PPP2R2A: variants seen among roughly 807,000 people sequenced by gnomAD.
PPP2R2A encodes the protein protein phosphatase 2 regulatory subunit Balpha.
Under a neutral mutation model 53.2 loss-of-function variants are expected in PPP2R2A, and 9 were observed. The observed-to-expected ratio is 0.17, with a 90% confidence interval of 0.10 to 0.30. The LOEUF (loss-of-function observed/expected upper bound fraction) is 0.30. PPP2R2A is among the 10% of genes least tolerant of loss of function. The probability of loss-of-function intolerance (pLI) is 1.00; values close to 1 mark genes in which losing one functional copy is unlikely to be tolerated. For missense variants in PPP2R2A, 235 were observed against 534.6 expected, an observed-to-expected ratio of 0.44 and a Z score of 5.53; for synonymous variants, 169 against 174.2, an observed-to-expected ratio of 0.97 and a Z score of 0.23.
intron 3 of PPP2R2A, among the ~76,000 whole-genome samples, chr8:26,344,455 G>T (rs1297515300): frequency 6.6e-6 from 1 of 152,276 alleles, no homozygotes; most frequent in South Asian, 2.1e-4. Flanking sequence ...AGGAAAATCA[G>T]TCTCATTACT....
intron 3 of PPP2R2A, among the ~76,000 whole-genome samples, chr8:26,342,746 T>TA (rs1471663891): frequency 6.6e-6 from 1 of 152,232 alleles, no homozygotes; most frequent in East Asian, 1.9e-4. Flanking sequence ...TGGCTTTTTT[T>TA]ATTCTTAATG....
At position 26,362,470 on chromosome 8, in the gene PPP2R2A, A is replaced by C. The variant is rs900439896; in HGVS notation, c.638-214A>C. Among the ~76,000 whole-genome samples, 7 of 152,082 alleles carry C rather than the reference A, an allele frequency of 4.6e-5. No individual in the cohort carries two copies. The highest frequency in any genetic ancestry group is 4.6e-4 in the Admixed American group (7 of 15,250). ...CAGTGAGCCGAGATTGCGCCACTGC[A>C]CTCCAGCCTGGGTGACAGAGTGAAA... On this transcript the variant is annotated intron_variant, in intron 6 of 9. Transcript: ENST00000380737. The surrounding 1 kb of genome is among the most constrained non-coding windows in gnomAD (Gnocchi z 4.4).
At chr8:26,296,292 T>A (rs943377181) in intron 2 of PPP2R2A, among the ~76,000 whole-genome samples, 2 of 152,248 alleles carry the variant, frequency 1.3e-5, no homozygotes, top group African/African-American at 4.8e-5. Flanking sequence ...CATCTCAGTC[T>A]AGAATGTATG....
chr8:26,352,014 C>T (rs1804544615), intron 3 of PPP2R2A, among the ~76,000 whole-genome samples: 2 of 152,120 alleles, frequency 1.3e-5, no homozygotes, highest in South Asian at 4.1e-4. Context: ...GAATAAAGCA[C>T]ATCTAAACTT....
intron 2 of PPP2R2A, among the ~76,000 whole-genome samples, chr8:26,334,703 C>T (rs575263441): frequency 8.5e-5 from 13 of 152,110 alleles, no homozygotes; most frequent in Admixed American, 3.3e-4. Context: ...CGAGATCGCG[C>T]CACTGCACTC....
At chr8:26,344,519 G>C (rs1804110017) in intron 3 of PPP2R2A, among the ~76,000 whole-genome samples, 1 of 152,178 alleles carries the variant, frequency 6.6e-6, no homozygotes, top group South Asian at 2.1e-4. Flanking sequence ...ATGAGCTATT[G>C]AGTGATCTGT....
chr8:26,306,742 G>GC (rs1324522355), intron 2 of PPP2R2A, among the ~76,000 whole-genome samples: 2 of 152,082 alleles, frequency 1.3e-5, no homozygotes, highest in African/African-American at 4.8e-5. Context: ...TACTCAAGAG[G>GC]CCAAGGCAGG....
intron 9 of PPP2R2A, among the ~76,000 whole-genome samples, 190 bp from the exon 10 acceptor site, chr8:26,369,944 G>C (rs573326271): frequency 8.5e-5 from 13 of 152,298 alleles, no homozygotes; most frequent in Non-Finnish European, 1.3e-4. Context: ...AAAAGAATAA[G>C]CAGAAAACCC....
chr8:26,350,354 C>T (rs906948339), intron 3 of PPP2R2A, among the ~76,000 whole-genome samples: 1 of 152,150 alleles, frequency 6.6e-6, no homozygotes, highest in Non-Finnish European at 1.5e-5. Flanking sequence ...TGAGACATCA[C>T]GTCCGGCCTT....
At chr8:26,344,072 GGAAGTGATTCTTCACT>G (rs1414301799) in intron 3 of PPP2R2A, among the ~76,000 whole-genome samples, 27 of 152,106 alleles carry the variant, frequency 1.8e-4, no homozygotes, top group Admixed American at 1.8e-3. Context: ...CAGTTAATAA[GGAAGTGATTCTTCACT>G]GCAGAAGCCA....
intron 9 of PPP2R2A, 119 bp downstream of exon 9, chr8:26,366,525 T>C (rs946378546): frequency 5.9e-6 from 4 of 679,718 alleles, no homozygotes; most frequent in Non-Finnish European, 9.4e-6. Flanking sequence ...ATTTTAGATA[T>C]AGCACAGCAG....
chr8:26,334,474 G>T (rs146022885), intron 2 of PPP2R2A, among the ~76,000 whole-genome samples: 15 of 152,240 alleles, frequency 9.9e-5, no homozygotes, highest in African/African-American at 3.4e-4. Context: ...GGCCAGGTAC[G>T]GTGGCTCACG....
intron 2 of PPP2R2A, among the ~76,000 whole-genome samples, chr8:26,322,918 T>A (rs1183975308): frequency 6.6e-6 from 1 of 152,194 alleles, no homozygotes; most frequent in Admixed American, 6.5e-5. Flanking sequence ...CACTAAAAAG[T>A]CTCCAAGTCA....
At chr8:26,301,393 C>T (rs924454088) in intron 2 of PPP2R2A, among the ~76,000 whole-genome samples, 3 of 145,842 alleles carry the variant, frequency 2.1e-5, no homozygotes, top group Non-Finnish European at 3.0e-5. Context: ...AGTGCAATGG[C>T]GTGATCATGG....
chr8:26,369,615 A>G (rs1289752870), intron 9 of PPP2R2A, among the ~76,000 whole-genome samples: 1 of 152,162 alleles, frequency 6.6e-6, no homozygotes, highest in African/African-American at 2.4e-5. Context: ...AATGGTCTCG[A>G]TCTCCTGACG....
chr8:26,310,388 C>T (rs1286137808), intron 2 of PPP2R2A, among the ~76,000 whole-genome samples: 1 of 147,494 alleles, frequency 6.8e-6, no homozygotes, highest in Non-Finnish European at 1.5e-5. Flanking sequence ...ATAGATCTTT[C>T]CAGCATATAG....
At position 26,311,053 on chromosome 8, in the gene PPP2R2A, TC is replaced by T. The variant is rs574533958; in HGVS notation, c.82+17314del. On this transcript the variant is annotated intron_variant, in intron 2 of 9. Transcript: ENST00000380737. The stretch of plus-strand genomic sequence containing the variant: ...GTGGATTTTTTTCCTTTTTCTTTTT[TC>T]TTTTTTGTTCAAGCAAAGGAAACCA... Among the ~76,000 whole-genome samples, 329 of 152,326 alleles carry T rather than the reference TC, an allele frequency of 2.2e-3. 2 individuals are homozygous for T. The highest frequency in any genetic ancestry group is 3.8e-3 in the Non-Finnish European group (260 of 68,018).
chr8:26,304,279 CT>C (rs5890310), intron 2 of PPP2R2A, among the ~76,000 whole-genome samples: 34,582 of 146,788 alleles, frequency 0.24, 4,829 homozygotes, highest in Non-Finnish European at 0.32. Flanking sequence ...GTGTTCCCAT[CT>C]TTTTTTTTTT....
intron 2 of PPP2R2A, among the ~76,000 whole-genome samples, chr8:26,295,240 C>G (rs1431962305): frequency 6.6e-6 from 1 of 152,170 alleles, no homozygotes; most frequent in Non-Finnish European, 1.5e-5. Context: ...AACATAAACT[C>G]TGCCCACAAG....
Sources: gnomAD v4.1 joint callset for allele counts (sites outside exome capture counted in the v4.1 genomes callset) on GRCh38, gnomAD v4.1.1 for gene constraint, Gnocchi (gnomAD v3.1) non-coding constraint, MANE v1.5 for transcripts, NCBI Gene and HGNC (gene_info 2026-07-23, HGNC 2026-07-21) for gene names.